The following TENM2 variants were observed in gnomAD, a reference collection of about 807,000 sequenced individuals.
TENM2 encodes the protein teneurin-2.
In TENM2, 52 loss-of-function variants were observed where a neutral mutation model predicts 245.2. That is an observed-to-expected ratio of 0.21 (90% CI 0.17 to 0.27). TENM2 has a LOEUF of 0.27. Ranked by LOEUF, TENM2 falls within the 10% of genes least tolerant of loss-of-function variation. The probability of loss-of-function intolerance (pLI) is 1.00; values close to 1 mark genes in which losing one functional copy is unlikely to be tolerated. For missense variants in TENM2, 3,046 were observed against 3,666.8 expected, an observed-to-expected ratio of 0.83 and a Z score of 4.37; for synonymous variants, 1,363 against 1,438.9, an observed-to-expected ratio of 0.95 and a Z score of 1.19.
At chr5:168,123,301 AAAAC>A (rs941298471) in intron 10 of TENM2, among the ~76,000 whole-genome samples, 45 of 152,294 alleles carry the variant, frequency 3.0e-4, no homozygotes, top group African/African-American at 8.7e-4. Flanking sequence ...CCTGTCTCAG[AAAAC>A]AAACAAACAA....
chr5:168,174,971 C>T (rs554482627), intron 13 of TENM2, among the ~76,000 whole-genome samples: 3 of 152,310 alleles, frequency 2.0e-5, no homozygotes, highest in East Asian at 3.9e-4. Context: ...TCTGCTGCTT[C>T]TCCCATGCCC....
chr5:168,118,849 C>G (rs1050431071), intron 10 of TENM2, among the ~76,000 whole-genome samples: 2 of 151,980 alleles, frequency 1.3e-5, no homozygotes, highest in Non-Finnish European at 2.9e-5. Flanking sequence ...GTTCCTTTCC[C>G]TCGCCCTATC....
chr5:167,883,996 A>G (rs1404692611), intron 3 of TENM2, among the ~76,000 whole-genome samples: 1 of 152,192 alleles, frequency 6.6e-6, no homozygotes, highest in Admixed American at 6.5e-5. Context: ...TCTGACGTCC[A>G]TACTACATGC....
chr5:167,702,571 T>TATATAC (rs1304921708), intron 2 of TENM2, among the ~76,000 whole-genome samples: 12 of 147,246 alleles, frequency 8.1e-5, no homozygotes, highest in Admixed American at 6.8e-4. Flanking sequence ...TATATATATA[T>TATATAC]ACATATATAT....
intron 4 of TENM2, among the ~76,000 whole-genome samples, chr5:167,960,555 G>GTTGAC (rs1780930553): frequency 7.1e-6 from 1 of 141,672 alleles, no homozygotes; most frequent in Non-Finnish European, 1.5e-5. Flanking sequence ...CTCCCACCAA[G>GTTGAC]CTGGAGCATC....
chr5:168,080,057 T>C (rs542096909), intron 7 of TENM2, among the ~76,000 whole-genome samples: 1 of 152,194 alleles, frequency 6.6e-6, no homozygotes, highest in Non-Finnish European at 1.5e-5. Flanking sequence ...ATCTATCTGG[T>C]CCTAGACTTT....
intron 2 of TENM2, among the ~76,000 whole-genome samples, chr5:167,564,000 T>C (rs1474657108): frequency 6.6e-6 from 1 of 152,208 alleles, no homozygotes; most frequent in Non-Finnish European, 1.5e-5. Flanking sequence ...GGTGCACGAC[T>C]GTACTTACTA....
At chr5:168,001,684 G>A (rs1313073893) in intron 5 of TENM2, among the ~76,000 whole-genome samples, 1 of 152,130 alleles carries the variant, frequency 6.6e-6, no homozygotes, top group African/African-American at 2.4e-5. Context: ...CCTAAAACCA[G>A]ACTTTTTTGT....
intron 2 of TENM2, among the ~76,000 whole-genome samples, chr5:167,469,505 C>A (rs373469596): frequency 6.6e-6 from 1 of 151,896 alleles, no homozygotes; most frequent in South Asian, 2.1e-4. Context: ...ATGGCTTTTC[C>A]GACATTTTCT....
chr5:166,991,304 A>G, the TENM2 span, among the ~76,000 whole-genome samples: 9 of 151,942 alleles, frequency 5.9e-5, no homozygotes, highest in Non-Finnish European at 1.0e-4. Flanking sequence ...ACACTTTGTC[A>G]TGAATAGAGA....
At chr5:167,314,175 T>TG (rs150196662) in intron 1 of TENM2, among the ~76,000 whole-genome samples, 3,810 of 152,328 alleles carry the variant, frequency 0.025, 195 homozygotes, top group African/African-American at 0.086. Flanking sequence ...AAATCTCTTT[T>TG]TTAGGTTTTT....
At chr5:167,890,081 A>T (rs1418827852) in intron 3 of TENM2, among the ~76,000 whole-genome samples, 1 of 152,048 alleles carries the variant, frequency 6.6e-6, no homozygotes, top group African/African-American at 2.4e-5. Context: ...ATTCTACCCA[A>T]AACTCACGGT....
intron 5 of TENM2, chr5:168,033,198 C>A (rs1268551112): frequency 1.3e-5 from 2 of 152,092 alleles, no homozygotes; most frequent in African/African-American, 4.8e-5. Flanking sequence ...AAAGCAAACA[C>A]AAGTGCTAAA....
chr5:167,407,306 T>C, intron 2 of TENM2, among the ~76,000 whole-genome samples: 1 of 152,160 alleles, frequency 6.6e-6, no homozygotes, highest in Non-Finnish European at 1.5e-5. Context: ...CCTGTATCTA[T>C]GTTCTGCAAG....
intron 13 of TENM2, among the ~76,000 whole-genome samples, chr5:168,184,094 T>C (rs1490149215): frequency 1.3e-5 from 2 of 152,202 alleles, no homozygotes; most frequent in African/African-American, 4.8e-5. Flanking sequence ...TCAAGGTAAC[T>C]ACAACTTCTA....
rs186984761 is a variant in TENM2, at chr5:167,998,969, G to A, written c.1186+5787G>A. 2.6e-3 allele frequency among the ~76,000 whole-genome samples: 389 copies of A among 152,274 alleles called. 1 individual carries two copies. The highest frequency in any genetic ancestry group is 9.1e-3 in the African/African-American group (376 of 41,540). Reference sequence around the variant, plus strand: ...TGAAAATTGATATGTTGAGACTCACGCTGATGAATCTTGCGTTCTCTGCTG... The same window carrying A: ...TGAAAATTGATATGTTGAGACTCACACTGATGAATCTTGCGTTCTCTGCTG... On this transcript the variant is annotated intron_variant, in intron 5 of 28. Transcript: ENST00000518659.
intron 13 of TENM2, among the ~76,000 whole-genome samples, chr5:168,169,222 A>G (rs903535394): frequency 6.6e-6 from 1 of 152,188 alleles, no homozygotes; most frequent in Non-Finnish European, 1.5e-5. Flanking sequence ...CCTCAAAGCC[A>G]CAAATCCGTG....
At chr5:167,985,700 TC>T (rs1184990612) in intron 4 of TENM2, among the ~76,000 whole-genome samples, 1 of 152,178 alleles carries the variant, frequency 6.6e-6, no homozygotes, top group Non-Finnish European at 1.5e-5. Flanking sequence ...GCTAGGATTT[TC>T]CCCTGGGAAT....
At chr5:167,031,015 T>C in the TENM2 span, among the ~76,000 whole-genome samples, 2 of 152,200 alleles carry the variant, frequency 1.3e-5, no homozygotes, top group Admixed American at 6.5e-5. Flanking sequence ...GGCATTTCTC[T>C]GGCAATTTGA....
Sources: allele counts gnomAD v4.1 joint callset (sites outside exome capture counted in the v4.1 genomes callset), GRCh38; gene constraint gnomAD v4.1.1; transcripts MANE v1.5; gene names NCBI Gene and HGNC (gene_info 2026-07-23, HGNC 2026-07-21).